PAIP1: variants seen among roughly 807,000 people sequenced by gnomAD.
PAIP1 encodes the protein polyadenylate-binding protein-interacting protein 1.
Under a neutral mutation model 61.3 loss-of-function variants are expected in PAIP1, and 16 were observed. That is an observed-to-expected ratio of 0.26 (90% confidence interval 0.18 to 0.40). The LOEUF is 0.40. PAIP1 is among the 10% of genes least tolerant of loss of function. PAIP1 has a pLI of 1.00. For missense variants in PAIP1, 416 were observed against 600.9 expected (o/e 0.69, Z 3.22); for synonymous variants, 187 against 226.2 (o/e 0.83, Z 1.56).
At chr5:43,554,656 T>C (rs142816888) in intron 2 of PAIP1, among the ~76,000 whole-genome samples, 63 of 152,270 alleles carry the variant, frequency 4.1e-4, no homozygotes, top group African/African-American at 1.5e-3. Flanking sequence ...AACTAGATAC[T>C]ATATGCCCAC....
chr5:43,531,656 C>CCAAAAAAAAAAAAAAAA (rs1746936496), intron 9 of PAIP1, among the ~76,000 whole-genome samples: 1 of 59,868 alleles, frequency 1.7e-5, no homozygotes, highest in Non-Finnish European at 3.4e-5. Flanking sequence ...GACTCTGTCT[C>CCAAAAAAAAAAAAAAAA]AAAAAAAAAA....
upstream of PAIP1, chr5:43,557,171 C>G (rs1748134011): frequency 4.0e-6 from 1 of 248,100 alleles, no homozygotes; most frequent in African/African-American, 2.3e-5. Context: ...CCGGGACGCG[C>G]CCGCGAGGAT....
rs1385325752 is a variant in PAIP1 at position 43,526,499 on chromosome 5, T to G, written c.*877A>C. On this transcript the variant is annotated 3_prime_UTR_variant, in exon 11 of 11. Transcript: ENST00000306846. ...GACATTAGGTAAAAATATTATTTAT[T>G]AGGGCTGAGGTGGTACCACATTATA... 3.3e-5 allele frequency: 5 copies of G among 151,702 alleles called. No individual in the cohort carries two copies. Among genetic ancestry groups the G allele is most frequent in the Non-Finnish European group, 7.4e-5 (5 of 67,852 alleles). The allele number at this position is 151,702 out of a possible 1,614,324, so 9.4% of individuals were successfully genotyped here.
At chr5:43,553,173 A>C (rs1415155571) in intron 2 of PAIP1, among the ~76,000 whole-genome samples, 1 of 152,158 alleles carries the variant, frequency 6.6e-6, no homozygotes, top group African/African-American at 2.4e-5. Flanking sequence ...TTCAAGGCAT[A>C]ATGGTTTGTC....
In PAIP1 at chr5:43,535,762, T is replaced by TA. The variant is rs1747120611; in HGVS notation, c.973-123dup. 3 of 626,856 alleles carry TA rather than the reference T, an allele frequency of 4.8e-6. No individual in the cohort carries two copies. In the East Asian group the frequency reaches 8.4e-5, roughly 17 times the overall value. The allele number at this position is 626,856 out of a possible 1,614,324, so 38.8% of individuals were successfully genotyped here. On this transcript the variant is annotated intron_variant, in intron 6 of 10. Transcript: ENST00000306846. ...ATGAATTTAGCAAGTTTAATATTCC[T>TA]AATTATTCTGTCTACCATCTAATAT...
chr5:43,541,353 C>T (rs1747402488), intron 4 of PAIP1, among the ~76,000 whole-genome samples: 1 of 132,366 alleles, frequency 7.6e-6, no homozygotes, highest in Admixed American at 8.0e-5. Context: ...GAGGTTTCAC[C>T]ATGTTAGCCA....
At chr5:43,549,299 C>G (rs1429123648) in intron 2 of PAIP1, among the ~76,000 whole-genome samples, 3 of 152,120 alleles carry the variant, frequency 2.0e-5, no homozygotes, top group African/African-American at 7.2e-5. Context: ...ACTGTTGGTG[C>G]TTGATATGGT....
chr5:43,546,967 C>T (rs1026861591), intron 3 of PAIP1, among the ~76,000 whole-genome samples: 6 of 126,214 alleles, frequency 4.8e-5, no homozygotes, highest in Admixed American at 3.0e-4. Context: ...CGCTTGAACC[C>T]GGGAGACGGA....
At chr5:43,535,963 C>T (rs560670822) in intron 6 of PAIP1, among the ~76,000 whole-genome samples, 1 of 138,660 alleles carries the variant, frequency 7.2e-6, no homozygotes, top group Non-Finnish European at 1.5e-5. Context: ...ATACAGCAAG[C>T]AACAAGTATA....
At chr5:43,550,757 T>G (rs983287569) in intron 2 of PAIP1, among the ~76,000 whole-genome samples, 2 of 132,158 alleles carry the variant, frequency 1.5e-5, no homozygotes, top group African/African-American at 5.9e-5. Context: ...ATATCTGCCA[T>G]GAATAAAGCA....
rs5867636 is a variant in PAIP1 at position 43,537,996 on chromosome 5, C to CAA, written c.846+926_846+927dup. ...GTGACAGAGCGAGACTGTCCCCACCCAAAAAAAAAAAAAAAAAAAAAAAAT... is the reference window on the plus strand; with the variant it reads ...GTGACAGAGCGAGACTGTCCCCACCCAAAAAAAAAAAAAAAAAAAAAAAAAAT... On this transcript the variant is annotated intron_variant, in intron 5 of 10. Transcript: ENST00000306846. Among the ~76,000 whole-genome samples the CAA allele has an allele frequency of 5.0e-3, 467 of 92,658 alleles. 2 individuals are homozygous for CAA. Among genetic ancestry groups the CAA allele is most frequent in the African/African-American group, 0.018 (456 of 24,940 alleles). The allele number at this position is 92,658 out of a possible 152,430, so 60.8% of individuals were successfully genotyped here.
intron 2 of PAIP1, among the ~76,000 whole-genome samples, chr5:43,550,389 ACT>A (rs142362883): frequency 0.48 from 73,285 of 151,656 alleles, 18,658 homozygotes; most frequent in Middle Eastern, 0.61. Context: ...CTAGGAGAAT[ACT>A]GAGTCATATT....
In PAIP1 at chr5:43,543,463, C is replaced by G. The variant is rs141691296; in HGVS notation, c.622-347G>C. Among the ~76,000 whole-genome samples the G allele has an allele frequency of 4.9e-3, 739 of 152,226 alleles. 9 individuals carry two copies. Among genetic ancestry groups the G allele is most frequent in the African/African-American group, 0.011 (468 of 41,548 alleles). ...AATTATGAATGAGAATACTGCCAAACTGTTGACCAGTGGGGCTTCTTGGGG... is the reference window on the plus strand; with the variant it reads ...AATTATGAATGAGAATACTGCCAAAGTGTTGACCAGTGGGGCTTCTTGGGG... On this transcript the variant is annotated intron_variant, in intron 3 of 10. Coordinates refer to ENST00000306846, the MANE Select transcript of PAIP1 (RefSeq NM_006451.5).
intron 2 of PAIP1, among the ~76,000 whole-genome samples, chr5:43,551,152 G>C (rs376391784): frequency 6.6e-6 from 1 of 152,132 alleles, no homozygotes; most frequent in Non-Finnish European, 1.5e-5. Context: ...GGGGGAAAGA[G>C]GGTTTGAACA....
intron 3 of PAIP1, among the ~76,000 whole-genome samples, chr5:43,544,146 TAAA>T (rs568177939): frequency 0.084 from 6,111 of 72,762 alleles, 338 homozygotes; most frequent in African/African-American, 0.19. Flanking sequence ...CCCATCTTTT[TAAA>T]AAAAAAAAAA....
intron 6 of PAIP1, among the ~76,000 whole-genome samples, chr5:43,536,499 G>C (rs1056744744): frequency 6.6e-6 from 1 of 152,056 alleles, no homozygotes; most frequent in Admixed American, 6.5e-5. Context: ...TGTTTCATTA[G>C]GTGGCAAAAA....
At chr5:43,538,523 C>G (rs1487739865) in intron 5 of PAIP1, among the ~76,000 whole-genome samples, 4 of 152,094 alleles carry the variant, frequency 2.6e-5, no homozygotes, top group Non-Finnish European at 5.9e-5. Flanking sequence ...TAGAGAGACT[C>G]TAGTCTCTCT....
At position 43,546,016 on chromosome 5, in the gene PAIP1, AC is replaced by A. The variant is rs1200504447; in HGVS notation, c.621+1711del. On this transcript the variant is annotated intron_variant, in intron 3 of 10. Transcript: ENST00000306846. Reference sequence around the variant, plus strand: ...TTGAACTCCTGACCTCAGGTGATCCACCCGCCTCGGCCTCCCAAAGTGCTGG... The same window carrying A: ...TTGAACTCCTGACCTCAGGTGATCCACCGCCTCGGCCTCCCAAAGTGCTGG... Among the ~76,000 whole-genome samples the A allele has an allele frequency of 8.6e-5, 13 of 151,672 alleles. No homozygotes were observed. The East Asian group carries it at 2.5e-3, about 29-fold the overall frequency.
intron 10 of PAIP1, among the ~76,000 whole-genome samples, chr5:43,528,779 C>T (rs933303519): frequency 6.6e-6 from 1 of 151,916 alleles, no homozygotes; most frequent in Admixed American, 6.6e-5. Context: ...TTATTCCCTC[C>T]CATCTCCTAC....
Sources: allele counts gnomAD v4.1 joint callset (sites outside exome capture counted in the v4.1 genomes callset), GRCh38; gene constraint gnomAD v4.1.1; transcripts MANE v1.5; gene names NCBI Gene and HGNC (gene_info 2026-07-23, HGNC 2026-07-21).